The following JAK1 variants were observed in gnomAD, a reference collection of about 807,000 sequenced individuals.
JAK1 encodes Janus kinase 1.
JAK1 carries 16 observed loss-of-function variants against 136.6 expected under a neutral mutation model. The ratio of observed to expected loss-of-function variants is 0.12; its 90% CI spans 0.08 to 0.18. The LOEUF (loss-of-function observed/expected upper bound fraction) is 0.18, where lower values mean the gene tolerates loss of function less well. Ranked by LOEUF, JAK1 falls within the 10% of genes least tolerant of loss-of-function variation. The probability of loss-of-function intolerance (pLI) is 1.00; values close to 1 mark genes in which losing one functional copy is unlikely to be tolerated. For synonymous variants in JAK1, 492 were observed against 519.5 expected, an observed-to-expected ratio of 0.95 and a Z score of 0.72; for missense variants, 859 against 1,450.1, an observed-to-expected ratio of 0.59 and a Z score of 6.62.
chr1:64,856,508 T>C (rs1400261380), intron 10 of JAK1, among the ~76,000 whole-genome samples: 1 of 152,172 alleles, frequency 6.6e-6, no homozygotes, highest in East Asian at 1.9e-4. Flanking sequence ...CTATGACTGC[T>C]GTTTTCCCCG....
intron 3 of JAK1, 47 bp downstream of exon 3, chr1:64,883,230 T>C (rs1376846493): frequency 1.3e-6 from 2 of 1,491,738 alleles, no homozygotes; most frequent in Non-Finnish European, 9.2e-7. Context: ...TCTTCTGAAC[T>C]AGTGTGTTGG....
intron 2 of JAK1, chr1:64,972,090 A>G (rs1020608296): frequency 6.6e-6 from 1 of 152,232 alleles, no homozygotes; most frequent in African/African-American, 2.4e-5. Context: ...TCTCATTATT[A>G]CAAATTGACA....
At chr1:65,006,092 A>G (rs1437907074) in intron 2 of JAK1, among the ~76,000 whole-genome samples, 1 of 152,348 alleles carries the variant, frequency 6.6e-6, no homozygotes, top group East Asian at 1.9e-4. Context: ...GAGAGATTTT[A>G]TCTCTTCACA....
At chr1:65,031,155 C>CAAAAAA (rs375856684) in intron 2 of JAK1, among the ~76,000 whole-genome samples, 2 of 68,282 alleles carry the variant, frequency 2.9e-5, no homozygotes, top group Admixed American at 1.7e-4. Context: ...GACCCTATCT[C>CAAAAAA]AAAAAAAAAA....
At chr1:64,996,951 A>C (rs1323185411) in intron 2 of JAK1, among the ~76,000 whole-genome samples, 16 of 152,238 alleles carry the variant, frequency 1.1e-4, no homozygotes, top group African/African-American at 3.9e-4. Context: ...CATTTGGTAG[A>C]GGAAATATGT....
At chr1:64,871,529 G>A (rs1657072741) in intron 5 of JAK1, among the ~76,000 whole-genome samples, 1 of 152,002 alleles carries the variant, frequency 6.6e-6, no homozygotes, top group African/African-American at 2.4e-5. Flanking sequence ...TGTTTCACAG[G>A]CATCTCCGAA....
upstream of JAK1, among the ~76,000 whole-genome samples, chr1:64,970,681 T>C (rs1646443682): frequency 6.6e-6 from 1 of 151,436 alleles, no homozygotes; most frequent in Admixed American, 6.6e-5. Flanking sequence ...CGAGAACCGC[T>C]TGAACCTGGG....
intron 2 of JAK1, among the ~76,000 whole-genome samples, chr1:65,025,273 A>G (rs1042840046): frequency 1.3e-5 from 2 of 152,344 alleles, no homozygotes; most frequent in East Asian, 3.9e-4. Flanking sequence ...TCCCGAAGCA[A>G]TGGTTAGAGC....
At chr1:65,059,057 C>A (rs1481417628) in intron 1 of JAK1, among the ~76,000 whole-genome samples, 1 of 150,996 alleles carries the variant, frequency 6.6e-6, no homozygotes, top group Non-Finnish European at 1.5e-5. Context: ...TCACAAGACG[C>A]TATGGGGCTG....
intron 1 of JAK1, among the ~76,000 whole-genome samples, chr1:64,891,684 C>T (rs139976689): frequency 6.6e-5 from 10 of 152,274 alleles, no homozygotes; most frequent in Middle Eastern, 3.4e-3. Context: ...TATGCTGAGA[C>T]GTGGAATAAC....
intron 1 of JAK1, among the ~76,000 whole-genome samples, chr1:64,927,734 C>G (rs1168341857): frequency 6.6e-6 from 1 of 152,158 alleles, no homozygotes; most frequent in African/African-American, 2.4e-5. Flanking sequence ...CGATGAGTAT[C>G]GATCAACTCA....
chr1:64,866,299 G>A (rs917786387), intron 7 of JAK1, among the ~76,000 whole-genome samples: 7 of 152,166 alleles, frequency 4.6e-5, no homozygotes, highest in Non-Finnish European at 8.8e-5. Flanking sequence ...CCCCGTCGAC[G>A]TGGGTCTAAA....
intron 2 of JAK1, among the ~76,000 whole-genome samples, chr1:65,000,500 T>TA (rs879905363): frequency 0.033 from 4,665 of 141,606 alleles, 215 homozygotes; most frequent in African/African-American, 0.11. Flanking sequence ...CCCCATCTCT[T>TA]AAAAAAAAAA....
At chr1:64,904,978 A>C (rs937929817) in intron 1 of JAK1, among the ~76,000 whole-genome samples, 3 of 152,198 alleles carry the variant, frequency 2.0e-5, no homozygotes, top group South Asian at 4.1e-4. Flanking sequence ...ATTCTGATAA[A>C]ACAGGTAGGC....
chr1:64,910,178 C>G (rs1645258619), intron 1 of JAK1, among the ~76,000 whole-genome samples: 1 of 152,112 alleles, frequency 6.6e-6, no homozygotes, highest in Admixed American at 6.5e-5. Context: ...TATAAGAACA[C>G]ATTGAATAAA....
chr1:65,006,574 C>T (rs190601413), intron 2 of JAK1, among the ~76,000 whole-genome samples: 9 of 152,162 alleles, frequency 5.9e-5, no homozygotes, highest in Admixed American at 5.9e-4. Context: ...AACACCTGGC[C>T]TCAAATAATC....
At chr1:64,998,913 C>T (rs1441677357) in intron 2 of JAK1, among the ~76,000 whole-genome samples, 7 of 152,120 alleles carry the variant, frequency 4.6e-5, no homozygotes, top group East Asian at 3.8e-4. Flanking sequence ...TTATCAGCCA[C>T]GTGAAAATGG....
chr1:65,046,251 T>C (rs1359471507), intron 1 of JAK1, among the ~76,000 whole-genome samples: 2 of 152,178 alleles, frequency 1.3e-5, no homozygotes, highest in Admixed American at 6.5e-5. Context: ...TTGGGGGATA[T>C]GAATGAACAA....
rs149881877 is a variant in JAK1 at position 64,961,283 on chromosome 1, T to A, written c.-78+5050A>T. ...GCTCGAAGCCTTTCTTGTTTCCTAG[T>A]AGTCTTCTGGATAGTTGATAAATGG... On this transcript the variant is annotated intron_variant, in intron 1 of 24. Transcript: ENST00000342505. Among the ~76,000 whole-genome samples the A allele has an allele frequency of 5.8e-3, 890 of 152,330 alleles. 6 individuals carry two copies. Among genetic ancestry groups the A allele is most frequent in the Middle Eastern group, 0.01 (3 of 294 alleles).
Sources: allele counts gnomAD v4.1 joint callset (sites outside exome capture counted in the v4.1 genomes callset), GRCh38; gene constraint gnomAD v4.1.1; transcripts MANE v1.5; gene names NCBI Gene and HGNC (gene_info 2026-07-23, HGNC 2026-07-21).